The following ZNF471 variants were observed in gnomAD, a reference collection of about 807,000 sequenced individuals.
ZNF471 encodes the protein EZFIT-related protein 1.
In ZNF471, 7 loss-of-function variants were observed where a neutral mutation model predicts 13.7. The ratio of observed to expected loss-of-function variants is 0.51; its 90% CI spans 0.29 to 0.96. The LOEUF (loss-of-function observed/expected upper bound fraction) is 0.96. Among genes scored for constraint, ZNF471 ranks in the 40% least tolerant of loss-of-function variants. The pLI is 0.08. For synonymous variants in ZNF471, 218 were observed against 235.6 expected (o/e 0.93, Z 0.68); for missense variants, 663 against 743.3 (o/e 0.89, Z 1.26).
At position 56,518,530 on chromosome 19, in the gene ZNF471, G is replaced by A; in HGVS notation, c.209G>A (p.Arg70Lys). 2 of 1,613,812 alleles carry A rather than the reference G, an allele frequency of 1.2e-6. No individual in the cohort carries two copies. Among genetic ancestry groups the A allele is most frequent in the Admixed American group, 1.7e-5 (1 of 60,000 alleles). The change falls in exon 4 of 5, where the codon AGA (arginine) becomes AAA (lysine). Residue 70 changes from arginine (R) to lysine (K), a missense_variant. Coordinates refer to ENST00000308031, the MANE Select transcript of ZNF471 (RefSeq NM_020813.4). ...GTGATCTCCTTATTGGAGCAAGGGA[G>A]AGAGCCTTGGGAGATGACGAGTGAG... Reference protein sequence around the residue: ...PYVISLLEQGREPWEMTSEMT... With the variant: ...PYVISLLEQGKEPWEMTSEMT...
rs1600523241 is a variant in ZNF471 at position 56,524,842 on chromosome 19, G to C, written c.775G>C (p.Glu259Gln). Residue 259 changes from glutamate (E) to glutamine (Q), a missense_variant, in exon 5 of 5, where the codon GAG (glutamate) becomes CAG (glutamine). Coordinates refer to ENST00000308031, the MANE Select transcript of ZNF471 (RefSeq NM_020813.4). This position sits in a 1 kb window ranked among gnomAD's most constrained non-coding sequence, Gnocchi z 4.8. ...LAQHHRTHTG[E>Q]KLFECKECRK... The stretch of plus-strand genomic sequence containing the variant: ...TCAACATCACAGAACACATACTGGA[G>C]AGAAACTCTTTGAATGTAAAGAATG... 6.2e-7 allele frequency: 1 copy of C among 1,611,770 alleles called. No individual in the cohort carries two copies. The highest frequency in any genetic ancestry group is 8.5e-7 in the Non-Finnish European group (1 of 1,179,046).
At chr19:56,513,212 A>G (rs564906408) in intron 2 of ZNF471, among the ~76,000 whole-genome samples, 67 of 152,244 alleles carry the variant, frequency 4.4e-4, no homozygotes, top group African/African-American at 1.5e-3. Flanking sequence ...TCCATACACT[A>G]TTTCTTGATT....
chr19:56,509,851 C>CA, intron 1 of ZNF471: 1 of 985,010 alleles, frequency 1.0e-6, no homozygotes, highest in Non-Finnish European at 1.2e-6. Context: ...AGTGTGTTAT[C>CA]AGGGACTGGA....
At chr19:56,511,391 C>T (rs2043809674) in intron 1 of ZNF471, 126 bp from the exon 2 acceptor site, 1 of 652,356 alleles carries the variant, frequency 1.5e-6, no homozygotes, top group Non-Finnish European at 2.5e-6. Flanking sequence ...CTTCAGTGGC[C>T]ATAGGTTGCT....
chr19:56,516,211 G>T lies in ZNF471; in HGVS notation c.34-64G>T. 6.5e-7 allele frequency: 1 copy of T among 1,546,236 alleles called. No individual in the cohort carries two copies. Among genetic ancestry groups the T allele is most frequent in the South Asian group, 1.2e-5 (1 of 86,332 alleles). ...TCTCACCTAAAGTAGAGACACTTTG[G>T]ATCAACTCAGAGTTATCTTTGGACA... On this transcript the variant is annotated intron_variant, in intron 2 of 4. Coordinates refer to ENST00000308031, the MANE Select transcript of ZNF471 (RefSeq NM_020813.4). The surrounding 1 kb of genome is among the most constrained non-coding windows in gnomAD (Gnocchi z 4.4).
rs748875143 is a variant in ZNF471, at chr19:56,525,185, A to G, written c.1118A>G (p.Lys373Arg). 1 of 1,614,202 alleles carries G rather than the reference A, an allele frequency of 6.2e-7. No individual in the cohort carries two copies. The highest frequency in any genetic ancestry group is 1.3e-5 in the African/African-American group (1 of 75,052). Residue 373 changes from lysine (K) to arginine (R), a missense_variant, in exon 5 of 5, where the codon AAG becomes AGG. Physicochemically the swap from Lys to Arg is conservative, Grantham distance 26. Transcript: ENST00000308031. ...RHWRSYHTGE[K>R]PFNCIDCGKA... Reference sequence around the variant, plus strand: ...TGGAGGAGTTATCATACTGGAGAGAAGCCTTTTAATTGCATTGATTGTGGG... The same window carrying G: ...TGGAGGAGTTATCATACTGGAGAGAGGCCTTTTAATTGCATTGATTGTGGG...
rs188033859 is a variant in ZNF471, at chr19:56,510,778, G to A, written c.-55-739G>A. 5 of 985,386 alleles carry A rather than the reference G, an allele frequency of 5.1e-6. No individual in the cohort carries two copies. The highest frequency in any genetic ancestry group is 4.8e-6 in the Non-Finnish European group (4 of 829,954). 61.0% of individuals were successfully genotyped at this position (985,386 alleles called of 1,614,324 possible). On this transcript the variant is annotated intron_variant, in intron 1 of 4. Transcript: ENST00000308031. The surrounding 1 kb of genome is among the most constrained non-coding windows in gnomAD (Gnocchi z 4.3). ...TGGCTGTTTGGAATTGTGTGTTGCC[G>A]GGATAGGAAATGTGGAATAGAATTC...
In ZNF471 at chr19:56,524,830, AC is replaced by A; in HGVS notation, c.764del (p.Thr255AsnfsTer134). 3.1e-6 allele frequency: 5 copies of A among 1,613,026 alleles called. No individual in the cohort carries two copies. The highest frequency in any genetic ancestry group is 4.2e-6 in the Non-Finnish European group (5 of 1,179,554). Reference sequence around the variant, plus strand: ...GCAACACCTTGCTCAACATCACAGAACACATACTGGAGAGAAACTCTTTGAA... The same window carrying A: ...GCAACACCTTGCTCAACATCACAGAAACATACTGGAGAGAAACTCTTTGAA... ...QRQHLAQHHRTHTGEKLFECK... is the reference protein window; with the variant it reads ...QRQHLAQHHRXHTGEKLFECK... On this transcript the variant is annotated frameshift_variant, in exon 5 of 5. Transcript: ENST00000308031. LOFTEE classifies it low-confidence loss of function (END_TRUNC). This position sits in a 1 kb window ranked among gnomAD's most constrained non-coding sequence, Gnocchi z 4.8.
Position 56,510,913 on chromosome 19 carries a change from C to T in ZNF471, c.-55-604C>T, listed in dbSNP as rs2147902011. ...GTGTGACAGGAGGGTAATTAAGGGG[C>T]TGGGACAGAGGTGAGAGTGAAAGTG... is the stretch of plus-strand genomic sequence containing the variant. On this transcript the variant is annotated intron_variant, in intron 1 of 4. Transcript: ENST00000308031. The surrounding 1 kb of genome is among the most constrained non-coding windows in gnomAD (Gnocchi z 4.3). The T allele has an allele frequency of 6.1e-6, 6 of 985,412 alleles. No homozygotes were observed. Among genetic ancestry groups the T allele is most frequent in the Non-Finnish European group, 7.2e-6 (6 of 829,982 alleles). 61.0% of individuals were successfully genotyped at this position (985,412 alleles called of 1,614,324 possible). A position where few individuals can be genotyped will look rare whatever the true frequency, so the allele number is the denominator to read the frequency against.
At chr19:56,509,513 T>C (rs1050478390) in intron 1 of ZNF471, among the ~76,000 whole-genome samples, 2 of 152,180 alleles carry the variant, frequency 1.3e-5, no homozygotes, top group African/African-American at 4.8e-5. Context: ...GAAGCACAAG[T>C]AAAACAACCT....
At position 56,525,053 on chromosome 19, in the gene ZNF471, A is replaced by T; in HGVS notation, c.986A>T (p.Asp329Val). ...ECKECGKAFS[D>V]GSSFARHQRC... ...AAAGAATGTGGCAAAGCCTTCAGTG[A>T]TGGCTCGTCTTTTGCTCGACATCAG... The change falls in exon 5 of 5, where the codon GAT (aspartate) becomes GTT (valine). Residue 329 changes from aspartate (D) to valine (V), a missense_variant. By Grantham distance (152) the Asp-to-Val change is radical. Coordinates refer to ENST00000308031, the MANE Select transcript of ZNF471 (RefSeq NM_020813.4). 2 of 1,613,910 alleles carry T rather than the reference A, an allele frequency of 1.2e-6. No individual in the cohort carries two copies. Among genetic ancestry groups the T allele is most frequent in the South Asian group, 1.1e-5 (1 of 91,020 alleles).
rs1445791700 is a variant in ZNF471, at chr19:56,529,539, T to C, written c.*3591T>C. On this transcript the variant is annotated 3_prime_UTR_variant, in exon 5 of 5. Coordinates refer to ENST00000308031, the MANE Select transcript of ZNF471 (RefSeq NM_020813.4). ...ACTGTATGCAAAGTTAAAAGGCATA[T>C]GACAGGCTGAGAGATATCTTAAACA... 1 of 152,252 alleles carries C rather than the reference T, an allele frequency of 6.6e-6. No homozygotes were observed. Among genetic ancestry groups the C allele is most frequent in the Non-Finnish European group, 1.5e-5 (1 of 68,052 alleles). The allele number at this position is 152,252 out of a possible 1,614,324, so 9.4% of individuals were successfully genotyped here. A position where few individuals can be genotyped will look rare whatever the true frequency, so the allele number is the denominator to read the frequency against.
At chr19:56,513,833 GAGA>G (rs1258190102) in intron 2 of ZNF471, among the ~76,000 whole-genome samples, 2 of 151,870 alleles carry the variant, frequency 1.3e-5, no homozygotes, top group Non-Finnish European at 2.9e-5. Flanking sequence ...TCCTCCTCTT[GAGA>G]AGGTCTACTT....
rs774342353 is a variant in ZNF471 at position 56,524,611 on chromosome 19, T to C, written c.544T>C (p.Ser182Pro). 3.1e-6 allele frequency: 5 copies of C among 1,588,414 alleles called. No homozygotes were observed. The East Asian group carries it at 1.1e-4, about 35-fold the overall frequency. The stretch of plus-strand genomic sequence containing the variant: ...AGAAGAGAGTATTTATAATCACACA[T>C]CAGATAAAAAAAGCTTCTCCAAAAA... ...NIEESIYNHT[S>P]DKKSFSKNSM... Residue 182 changes from serine (S) to proline (P), a missense_variant, in exon 5 of 5, where the codon TCA becomes CCA. Transcript: ENST00000308031. The surrounding 1 kb of genome is among the most constrained non-coding windows in gnomAD (Gnocchi z 4.8).
chr19:56,524,599 T>C lies in ZNF471; in HGVS notation c.532T>C (p.Tyr178His). 6.3e-7 allele frequency: 1 copy of C among 1,593,742 alleles called. No homozygotes were observed. The highest frequency in any genetic ancestry group is 1.4e-5 in the African/African-American group (1 of 73,408). The part of the protein sequence containing the change: ...IHLENIEESI[Y>H]NHTSDKKSFS... Reference sequence around the variant, plus strand: ...TCTGGAAAACATAGAAGAGAGTATTTATAATCACACATCAGATAAAAAAAG... The same window carrying C: ...TCTGGAAAACATAGAAGAGAGTATTCATAATCACACATCAGATAAAAAAAG... The change falls in exon 5 of 5, where the codon TAT becomes CAT. Residue 178 changes from tyrosine to histidine, a missense_variant. By Grantham distance (83) the Tyr-to-His change is moderately conservative (BLOSUM62 2). Transcript: ENST00000308031. The surrounding 1 kb of genome is among the most constrained non-coding windows in gnomAD (Gnocchi z 4.8).
rs866079471 is a variant in ZNF471 at position 56,525,847 on chromosome 19, A to G, written c.1780A>G (p.Thr594Ala). 6.2e-7 allele frequency: 1 copy of G among 1,613,802 alleles called. No individual in the cohort carries two copies. The highest frequency in any genetic ancestry group is 8.5e-7 in the Non-Finnish European group (1 of 1,179,934). Residue 594 changes from threonine to alanine, a missense_variant, in exon 5 of 5, where the codon ACT becomes GCT. By Grantham distance (58) the Thr-to-Ala change is moderately conservative. Coordinates refer to ENST00000308031, the MANE Select transcript of ZNF471 (RefSeq NM_020813.4). The part of the protein sequence containing the change: ...SSCAQHQRLH[T>A]GQRPYQCFEC... ...CTGTGCTCAGCATCAAAGACTCCAC[A>G]CTGGCCAAAGGCCCTATCAGTGTTT...
rs551250917 is a variant in ZNF471, at chr19:56,527,571, A to G, written c.*1623A>G. ...TCTAACCCAATGCAAGGAAGCTAAG[A>G]ACCTTGAAAAAAGGTTAGAGGAATT... On this transcript the variant is annotated 3_prime_UTR_variant, in exon 5 of 5. Coordinates refer to ENST00000308031, the MANE Select transcript of ZNF471 (RefSeq NM_020813.4). 1 of 152,348 alleles carries G rather than the reference A, an allele frequency of 6.6e-6. No individual in the cohort carries two copies. The highest frequency in any genetic ancestry group is 2.4e-5 in the African/African-American group (1 of 41,576). 9.4% of individuals were successfully genotyped at this position (152,348 alleles called of 1,614,324 possible). A position where few individuals can be genotyped will look rare whatever the true frequency, so the allele number is the denominator to read the frequency against.
At chr19:56,517,960 T>C (rs886382623) in intron 3 of ZNF471, among the ~76,000 whole-genome samples, 3 of 152,264 alleles carry the variant, frequency 2.0e-5, no homozygotes, top group African/African-American at 4.8e-5. Flanking sequence ...AGTATTGATA[T>C]AATAATAGCT....
chr19:56,512,857 T>C (rs2043829946), intron 2 of ZNF471, among the ~76,000 whole-genome samples: 1 of 152,214 alleles, frequency 6.6e-6, no homozygotes, highest in South Asian at 2.1e-4. Context: ...TTAATTTATA[T>C]GCTTCATATG....
Sources: allele counts gnomAD v4.1 joint callset (sites outside exome capture counted in the v4.1 genomes callset), GRCh38; gene constraint gnomAD v4.1.1; non-coding constraint Gnocchi (gnomAD v3.1); transcripts MANE v1.5; gene names NCBI Gene and HGNC (gene_info 2026-07-23, HGNC 2026-07-21).